Variants in NARS2 observed in about 807,000 individuals in gnomAD.
NARS2 encodes asparaginyl-tRNA synthetase 2, mitochondrial.
NARS2 carries 60 observed loss-of-function variants against 62.9 expected under a neutral mutation model. The ratio of observed to expected loss-of-function variants is 0.95; its 90% CI spans 0.77 to 1.18. The LOEUF is 1.18. Ranked by LOEUF, NARS2 falls within the 50% of genes most tolerant of loss-of-function variation. The pLI, the probability that NARS2 is intolerant of heterozygous loss-of-function variation, is 0.00. For synonymous variants in NARS2, 196 were observed against 200.0 expected (o/e 0.98, Z 0.17); for missense variants, 619 against 576.4 (o/e 1.07, Z -0.76).
intron 10 of NARS2, among the ~76,000 whole-genome samples, chr11:78,468,227 G>T (rs1479595734): frequency 7.4e-6 from 1 of 134,718 alleles, no homozygotes; most frequent in Non-Finnish European, 1.5e-5. Flanking sequence ...AAAAACCCCA[G>T]TATTTTCCAG....
chr11:78,521,706 C>T (rs1478536095), intron 6 of NARS2, among the ~76,000 whole-genome samples: 1 of 140,956 alleles, frequency 7.1e-6, no homozygotes, highest in South Asian at 2.2e-4. Context: ...AGGAGAATGG[C>T]GTGAACCCGG....
intron 11 of NARS2, among the ~76,000 whole-genome samples, chr11:78,445,359 G>A (rs1440621147): frequency 1.3e-5 from 2 of 152,040 alleles, no homozygotes; most frequent in African/African-American, 4.8e-5. Flanking sequence ...GGTGGCTTAC[G>A]CCTGTAATCC....
intron 5 of NARS2, among the ~76,000 whole-genome samples, chr11:78,532,581 G>A (rs1355202718): frequency 6.6e-6 from 1 of 152,174 alleles, no homozygotes; most frequent in Non-Finnish European, 1.5e-5. Context: ...GTAAGACCTA[G>A]CTCATACGGG....
chr11:78,501,477 G>A (rs1325486379), intron 6 of NARS2, among the ~76,000 whole-genome samples: 1 of 152,160 alleles, frequency 6.6e-6, no homozygotes, highest in African/African-American at 2.4e-5. Context: ...ACTATCTTTG[G>A]CAATGGTTCT....
chr11:78,546,877 T>C (rs1855897866), intron 5 of NARS2, among the ~76,000 whole-genome samples: 1 of 152,238 alleles, frequency 6.6e-6, no homozygotes, highest in Non-Finnish European at 1.5e-5. Flanking sequence ...TTTTTCCTTG[T>C]CAGAAATCTC....
chr11:78,565,807 C>T (rs776749388), intron 4 of NARS2, among the ~76,000 whole-genome samples: 4 of 152,194 alleles, frequency 2.6e-5, no homozygotes, highest in Non-Finnish European at 5.9e-5. Context: ...CTGAGGAAGG[C>T]TTTGCCTCAG....
At chr11:78,497,342 C>T (rs1350515793) in intron 6 of NARS2, among the ~76,000 whole-genome samples, 1 of 150,874 alleles carries the variant, frequency 6.6e-6, no homozygotes, top group East Asian at 1.9e-4. Flanking sequence ...ATAAAGTGGT[C>T]ACTGATTGCC....
chr11:78,461,062 C>T (rs1292984252), intron 11 of NARS2, among the ~76,000 whole-genome samples: 2 of 152,124 alleles, frequency 1.3e-5, no homozygotes, highest in African/African-American at 4.8e-5. Flanking sequence ...ACATAAGGGA[C>T]TCATTAGTAT....
chr11:78,550,166 G>T (rs536076680), intron 5 of NARS2, among the ~76,000 whole-genome samples: 6 of 152,216 alleles, frequency 3.9e-5, no homozygotes, highest in Non-Finnish European at 7.4e-5. Context: ...ATCAGGAGAG[G>T]GAGATGGCTG....
At chr11:78,441,015 G>T in intron 13 of NARS2, 76 bp downstream of exon 13, 1 of 1,320,620 alleles carries the variant, frequency 7.6e-7, no homozygotes, top group Non-Finnish European at 1.1e-6. Flanking sequence ...GGGTCTTGGG[G>T]ATACAAGTAA....
At chr11:78,462,469 T>C (rs755231490) in intron 11 of NARS2, among the ~76,000 whole-genome samples, 9 of 152,198 alleles carry the variant, frequency 5.9e-5, no homozygotes, top group Admixed American at 4.6e-4. Flanking sequence ...GGCTAAAAAG[T>C]AATTTTATAT....
intron 6 of NARS2, among the ~76,000 whole-genome samples, chr11:78,497,584 T>G (rs1860115336): frequency 6.6e-6 from 1 of 152,218 alleles, no homozygotes; most frequent in Non-Finnish European, 1.5e-5. Flanking sequence ...TTAAACTGGA[T>G]TTTAAAAGTT....
At chr11:78,488,289 G>A (rs974634098) in intron 7 of NARS2, among the ~76,000 whole-genome samples, 6 of 151,530 alleles carry the variant, frequency 4.0e-5, no homozygotes. Flanking sequence ...TAAATGATGA[G>A]ATTATTCTAG....
intron 6 of NARS2, among the ~76,000 whole-genome samples, chr11:78,526,705 C>G (rs549429398): frequency 6.6e-6 from 1 of 152,000 alleles, no homozygotes; most frequent in Non-Finnish European, 1.5e-5. Flanking sequence ...GTTCACTGCG[C>G]TTTACTGGGA....
At chr11:78,571,486 TA>T in intron 1 of NARS2, 42 bp from the exon 2 acceptor site, 1 of 1,401,714 alleles carries the variant, frequency 7.1e-7, no homozygotes, top group Non-Finnish European at 1.0e-6. Flanking sequence ...TAAAACATTT[TA>T]CGTTTTCATT....
intron 5 of NARS2, among the ~76,000 whole-genome samples, chr11:78,557,502 A>G (rs1392462713): frequency 6.6e-6 from 1 of 152,224 alleles, no homozygotes; most frequent in Non-Finnish European, 1.5e-5. Context: ...CAACAAAGAC[A>G]GTAGGTCGAC....
At chr11:78,528,982 C>G in intron 5 of NARS2, 46 bp from the exon 6 acceptor site, 1 of 1,258,896 alleles carries the variant, frequency 7.9e-7, no homozygotes, top group Non-Finnish European at 1.2e-6. Context: ...AAATGTTTTG[C>G]TTTGCATTTC....
chr11:78,536,455 G>A (rs1351786913), intron 5 of NARS2, among the ~76,000 whole-genome samples: 3 of 152,084 alleles, frequency 2.0e-5, no homozygotes, highest in Non-Finnish European at 1.5e-5. Flanking sequence ...GGAAGACAGC[G>A]ATTCCACCTC....
At chr11:78,559,720 G>C (rs934307246) in intron 4 of NARS2, 101 bp from the exon 5 acceptor site, 1 of 757,806 alleles carries the variant, frequency 1.3e-6, no homozygotes, top group Admixed American at 2.2e-5. Flanking sequence ...AGCAGATGCT[G>C]TATCAAATCC....
Sources: allele counts gnomAD v4.1 joint callset (sites outside exome capture counted in the v4.1 genomes callset), GRCh38; gene constraint gnomAD v4.1.1; transcripts MANE v1.5; gene names NCBI Gene and HGNC (gene_info 2026-07-23, HGNC 2026-07-21).